The following BHLHE40 variants were observed in gnomAD, a reference collection of about 807,000 sequenced individuals.
BHLHE40 encodes class E basic helix-loop-helix protein 40.
A neutral mutation model predicts 35.7 loss-of-function variants in BHLHE40; 3 were observed. That is an observed-to-expected ratio of 0.08 (90% CI 0.04 to 0.22). The LOEUF is 0.22. Ranked by LOEUF, BHLHE40 falls within the 10% of genes least tolerant of loss-of-function variation. The probability of loss-of-function intolerance (pLI) is 1.00; values close to 1 mark genes in which losing one functional copy is unlikely to be tolerated. For synonymous variants in BHLHE40, 236 were observed against 213.0 expected (o/e 1.11, Z -0.94); for missense variants, 486 against 524.0 (o/e 0.93, Z 0.71).
chr3:4,982,951 G>T lies in BHLHE40; in HGVS notation c.498G>T (p.Leu166=). The part of the protein sequence containing the change: ...YLAKHENTRD[L]KSSQLVTHLH... Reference sequence around the variant, plus strand: ...CCAAGCACGAGAACACTCGGGACCTGAAGTCTTCGCAGCTTGTCACCCACC... The same window carrying T: ...CCAAGCACGAGAACACTCGGGACCTTAAGTCTTCGCAGCTTGTCACCCACC... The change falls in exon 5 of 5, where the codon CTG becomes CTT. Residue 166 remains leucine, a synonymous_variant. Transcript: ENST00000256495. The T allele has an allele frequency of 1.2e-6, 2 of 1,613,956 alleles. No homozygotes were observed. The highest frequency in any genetic ancestry group is 1.7e-6 in the Non-Finnish European group (2 of 1,179,878).
Position 4,979,631 on chromosome 3 carries a change from G to A in BHLHE40, c.-88G>A, listed in dbSNP as rs1357749017. 29 of 1,344,758 alleles carry A rather than the reference G, an allele frequency of 2.2e-5. No individual in the cohort carries two copies. The East Asian group carries it at 7.3e-4, about 34-fold the overall frequency. 83.3% of individuals were successfully genotyped at this position (1,344,758 alleles called of 1,614,324 possible). ...AGACTCAGAGGAACATCTGCGGAGA[G>A]ACCCCCGAAGCCCTCTCCAGGGCAG... On this transcript the variant is annotated 5_prime_UTR_variant, in exon 1 of 5. Coordinates refer to ENST00000256495, the MANE Select transcript of BHLHE40 (RefSeq NM_003670.3).
rs541769778 is a variant in BHLHE40 at position 4,982,217 on chromosome 3, G to C, written c.383-619G>C. ...GATGAAAATTGCAAAAACCCAGCTA[G>C]TGCTTCTGCCTGTTTCCTCATTCAA... On this transcript the variant is annotated intron_variant, in intron 4 of 4. Coordinates refer to ENST00000256495, the MANE Select transcript of BHLHE40 (RefSeq NM_003670.3). Among the ~76,000 whole-genome samples the C allele has an allele frequency of 8.7e-4, 132 of 152,300 alleles. 1 individual carries two copies. The highest frequency in any genetic ancestry group is 3.1e-3 in the African/African-American group (127 of 41,560).
At chr3:4,980,213 C>G in intron 2 of BHLHE40, 88 bp from the exon 3 acceptor site, 1 of 1,274,976 alleles carries the variant, frequency 7.8e-7, no homozygotes, top group East Asian at 2.3e-5. Context: ...CTACTCTGCT[C>G]CTCTGCCGGA....
At position 4,981,293 on chromosome 3, in the gene BHLHE40, C is replaced by G. The variant is rs866355145; in HGVS notation, c.259-99C>G. 3.6e-5 allele frequency: 52 copies of G among 1,445,506 alleles called. 1 individual carries two copies. The Middle Eastern group carries it at 4.2e-3, about 116-fold the overall frequency. The allele number at this position is 1,445,506 out of a possible 1,614,324, so 89.5% of individuals were successfully genotyped here. On this transcript the variant is annotated intron_variant, in intron 3 of 4. Transcript: ENST00000256495. ...AAACAGCCAACCAGGAAACACTATT[C>G]CACTTTTTTTTTTCTTTTCTCATTT...
chr3:4,981,174 T>TA (rs2053191517), intron 3 of BHLHE40, among the ~76,000 whole-genome samples: 1 of 71,324 alleles, frequency 1.4e-5, no homozygotes, highest in South Asian at 3.8e-4. Context: ...TATATATATA[T>TA]TATATATATA....
At chr3:4,981,630 A>G in intron 4 of BHLHE40, 115 bp downstream of exon 4, 7 of 1,323,206 alleles carry the variant, frequency 5.3e-6, no homozygotes, top group Non-Finnish European at 5.1e-6. Context: ...ATGCACGTTC[A>G]TTGGGGGAGA....
Position 4,983,237 on chromosome 3 carries a change from A to G in BHLHE40, c.784A>G (p.Lys262Glu). The G allele has an allele frequency of 1.2e-6, 2 of 1,614,236 alleles. No homozygotes were observed. The highest frequency in any genetic ancestry group is 1.7e-6 in the Non-Finnish European group (2 of 1,180,042). ...CTTGCGCAGTGAGCAGCCGTGCTTCAAAAGTGACCACGGACGCAGGTTCAC... is the reference window on the plus strand; with the variant it reads ...CTTGCGCAGTGAGCAGCCGTGCTTCGAAAGTGACCACGGACGCAGGTTCAC... ...GDLRSEQPCF[K>E]SDHGRRFTMG... The change falls in exon 5 of 5, where the codon AAA becomes GAA. Residue 262 changes from lysine to glutamate, a missense_variant. Coordinates refer to ENST00000256495, the MANE Select transcript of BHLHE40 (RefSeq NM_003670.3). This position sits in a 1 kb window ranked among gnomAD's most constrained non-coding sequence, Gnocchi z 5.0.
At chr3:4,981,686 C>A in intron 4 of BHLHE40, 171 bp downstream of exon 4, 1 of 820,178 alleles carries the variant, frequency 1.2e-6, no homozygotes, top group East Asian at 2.7e-5. Context: ...ATTTGAAATG[C>A]ATTGTGCCAC....
intron 3 of BHLHE40, among the ~76,000 whole-genome samples, chr3:4,980,939 G>A (rs967894477): frequency 1.3e-5 from 2 of 151,978 alleles, no homozygotes; most frequent in South Asian, 4.2e-4. Context: ...TTCTGAAAGG[G>A]TGTAAGGAAA....
At position 4,983,894 on chromosome 3, in the gene BHLHE40, A is replaced by G; in HGVS notation, c.*202A>G. On this transcript the variant is annotated 3_prime_UTR_variant, in exon 5 of 5. Transcript: ENST00000256495. The surrounding 1 kb of genome is among the most constrained non-coding windows in gnomAD (Gnocchi z 5.0). Reference sequence around the variant, plus strand: ...TGCACATGTGTGCCTGCGTGTTGGTATAGGACTTTAAAGCTCCTTTTGGCA... The same window carrying G: ...TGCACATGTGTGCCTGCGTGTTGGTGTAGGACTTTAAAGCTCCTTTTGGCA... 2.9e-6 allele frequency: 2 copies of G among 697,762 alleles called. 1 individual carries two copies. Among genetic ancestry groups the G allele is most frequent in the Middle Eastern group, 8.1e-4 (2 of 2,460 alleles). The allele number at this position is 697,762 out of a possible 1,614,324, so 43.2% of individuals were successfully genotyped here.
chr3:4,980,268 C>T, intron 2 of BHLHE40, 33 bp from the exon 3 acceptor site: 1 of 1,589,136 alleles, frequency 6.3e-7, no homozygotes, highest in South Asian at 1.1e-5. Flanking sequence ...TCTCCTTCCC[C>T]AAGCGCCCAC....
In BHLHE40 at chr3:4,982,884, C is replaced by T. The variant is rs1188990964; in HGVS notation, c.431C>T (p.Ser144Leu). Residue 144 changes from serine to leucine, a missense_variant, in exon 5 of 5, where the codon TCA (serine) becomes TTA (leucine). By Grantham distance (145) the Ser-to-Leu change is moderately radical. Transcript: ENST00000256495. ...GAAACAGGTCAAGAGATGTTCTGCTCAGGTTTCCAGACATGTGCCCGGGAG... is the reference window on the plus strand; with the variant it reads ...GAAACAGGTCAAGAGATGTTCTGCTTAGGTTTCCAGACATGTGCCCGGGAG... ...NVETGQEMFC[S>L]GFQTCAREVL... 2 of 1,614,040 alleles carry T rather than the reference C, an allele frequency of 1.2e-6. No individual in the cohort carries two copies. The highest frequency in any genetic ancestry group is 8.5e-7 in the Non-Finnish European group (1 of 1,180,050).
intron 3 of BHLHE40, 60 bp downstream of exon 3, chr3:4,980,468 C>T: frequency 1.3e-5 from 19 of 1,440,858 alleles, no homozygotes; most frequent in Non-Finnish European, 1.7e-5. Context: ...GGGCGGGTCA[C>T]TCGCCGCCTG....
In BHLHE40 at chr3:4,979,752, G is replaced by A. The variant is rs565467036; in HGVS notation, c.34G>A (p.Ala12Thr). The change falls in exon 1 of 5, where the codon GCC (alanine) becomes ACC (threonine). Residue 12 changes from alanine (A) to threonine (T), a missense_variant. Around this residue, in one of 5 missense-constraint regions of BHLHE40, gnomAD observed 87 missense variants for 66.7 expected, o/e 1.30. Transcript: ENST00000256495. The stretch of plus-strand genomic sequence containing the variant: ...GATCCCCAGCGCGCAACCACCCCCC[G>A]CCTGCCTGCCCAAAGCACCGGGACT... ...ERIPSAQPPP[A>T]CLPKAPGLEH... is the part of the protein sequence containing the mutation. 2.5e-6 allele frequency: 4 copies of A among 1,579,998 alleles called. No individual in the cohort carries two copies. The highest frequency in any genetic ancestry group is 3.4e-6 in the Non-Finnish European group (4 of 1,163,096).
At chr3:4,980,457 C>A (rs1249161813) in intron 3 of BHLHE40, 49 bp downstream of exon 3, 1 of 1,530,008 alleles carries the variant, frequency 6.5e-7, no homozygotes, top group Non-Finnish European at 9.0e-7. Context: ...GCCCAGAGGG[C>A]GGGCGGGTCA....
In BHLHE40 at chr3:4,981,378, T is replaced by C. The variant is rs1309186563; in HGVS notation, c.259-14T>C. 1 of 1,613,562 alleles carries C rather than the reference T, an allele frequency of 6.2e-7. No homozygotes were observed. Among genetic ancestry groups the C allele is most frequent in the South Asian group, 1.1e-5 (1 of 91,032 alleles). On this transcript the variant is annotated splice_polypyrimidine_tract_variant and intron_variant, in intron 3 of 4. Transcript: ENST00000256495. ...CTCTGACCTCACCGCTGACTAAGGCTCTTTTCCTTCCAGACTTTGGGTCAC... is the reference window on the plus strand; with the variant it reads ...CTCTGACCTCACCGCTGACTAAGGCCCTTTTCCTTCCAGACTTTGGGTCAC...
chr3:4,980,418 A>C lies in BHLHE40; in HGVS notation c.258+10A>C. ...ACATCTCAAACTTACAGTAAGTGAG[A>C]AGCTGGCCCCTTTCCAACCCAGTCC... is the stretch of plus-strand genomic sequence containing the variant. On this transcript the variant is annotated intron_variant, in intron 3 of 4. Coordinates refer to ENST00000256495, the MANE Select transcript of BHLHE40 (RefSeq NM_003670.3). The C allele has an allele frequency of 6.2e-7, 1 of 1,610,654 alleles. No individual in the cohort carries two copies.
rs1167473808 is a variant in BHLHE40, at chr3:4,984,589, C to CA, written c.*898dup. On this transcript the variant is annotated 3_prime_UTR_variant, in exon 5 of 5. Transcript: ENST00000256495. ...TGCCCCCTTCAAACAGAACTAGACTCAGTTTTCAATTCCATCCTAAAACTC... is the reference window on the plus strand; with the variant it reads ...TGCCCCCTTCAAACAGAACTAGACTCAAGTTTTCAATTCCATCCTAAAACTC... 2 of 152,462 alleles carry CA rather than the reference C, an allele frequency of 1.3e-5. No homozygotes were observed. Among genetic ancestry groups the CA allele is most frequent in the East Asian group, 3.8e-4 (2 of 5,200 alleles). The allele number at this position is 152,462 out of a possible 1,614,324, so 9.4% of individuals were successfully genotyped here.
Position 4,980,404 on chromosome 3 carries a change from T to A in BHLHE40, c.254T>A (p.Leu85His), listed in dbSNP as rs2106496397. ...GATCTCCTACCCGAACATCTCAAAC[T>A]TACAGTAAGTGAGAAGCTGGCCCCT... is the stretch of plus-strand genomic sequence containing the variant. ...LKDLLPEHLK[L>H]TTLGHLEKAV... Residue 85 changes from leucine to histidine, a missense_variant, in exon 3 of 5, where the codon CTT (leucine) becomes CAT (histidine). Physicochemically the swap from Leu to His is moderately conservative, Grantham distance 99. This residue lies in a region of BHLHE40 where 176 missense variants were observed against 180.5 expected (regional missense o/e 0.98). Transcript: ENST00000256495. 3.1e-6 allele frequency: 5 copies of A among 1,613,150 alleles called. No homozygotes were observed. The highest frequency in any genetic ancestry group is 4.5e-5 in the East Asian group (2 of 44,864).
Sources: gnomAD v4.1 joint callset for allele counts (sites outside exome capture counted in the v4.1 genomes callset) on GRCh38, gnomAD v4.1.1 for gene constraint, gnomAD v4.1.1 regional missense constraint, Gnocchi (gnomAD v3.1) non-coding constraint, MANE v1.5 for transcripts, NCBI Gene and HGNC (gene_info 2026-07-23, HGNC 2026-07-21) for gene names.